The following RAD51B variants were observed in gnomAD, a reference collection of about 807,000 sequenced individuals.
The protein encoded by RAD51B is DNA repair protein RAD51 homolog 2.
A neutral mutation model predicts 42.2 loss-of-function variants in RAD51B; 38 were observed. The observed-to-expected ratio is 0.90, with a 90% CI of 0.70 to 1.18. The LOEUF (loss-of-function observed/expected upper bound fraction) is 1.18, where lower values mean the gene tolerates loss of function less well. RAD51B is among the 50% of genes most tolerant of loss of function. The probability of loss-of-function intolerance (pLI) is 0.00; values close to 1 mark genes in which losing one functional copy is unlikely to be tolerated. For synonymous variants in RAD51B, 154 were observed against 145.2 expected (o/e 1.06, Z -0.43); for missense variants, 373 against 400.7 (o/e 0.93, Z 0.59).
In RAD51B at chr14:68,344,779, C is replaced by T. The variant is rs113870392; in HGVS notation, c.853+52799C>T. 9.3e-3 allele frequency among the ~76,000 whole-genome samples: 1,415 copies of T among 151,594 alleles called. 21 individuals carry two copies. Among genetic ancestry groups the T allele is most frequent in the African/African-American group, 0.033 (1,346 of 41,304 alleles). On this transcript the variant is annotated intron_variant, in intron 8 of 10. Coordinates refer to ENST00000471583, the MANE Select transcript of RAD51B (RefSeq NM_133510.4). ...TGGCCAACATGATGAAACCCAGTCTCTACTAAAAATACAAAAAACTAGCCA... is the reference window on the plus strand; with the variant it reads ...TGGCCAACATGATGAAACCCAGTCTTTACTAAAAATACAAAAAACTAGCCA...
chr14:67,857,661 A>G (rs2042039156), intron 4 of RAD51B, among the ~76,000 whole-genome samples: 1 of 152,332 alleles, frequency 6.6e-6, no homozygotes, highest in South Asian at 2.1e-4. Flanking sequence ...TGGCACATGG[A>G]TAGTATGTAT....
intron 9 of RAD51B, chr14:68,421,907 G>A: frequency 6.3e-7 from 1 of 1,580,338 alleles, no homozygotes; most frequent in Non-Finnish European, 8.7e-7. Flanking sequence ...TGGACAAGAT[G>A]CCAGGACCTG....
intron 7 of RAD51B, among the ~76,000 whole-genome samples, chr14:68,264,963 A>G (rs1488275906): frequency 6.6e-6 from 1 of 152,208 alleles, no homozygotes; most frequent in East Asian, 1.9e-4. Context: ...AATACTTCCC[A>G]CAGGGTTTAA....
chr14:68,090,046 T>C (rs1331420734), intron 7 of RAD51B, among the ~76,000 whole-genome samples: 1 of 152,196 alleles, frequency 6.6e-6, no homozygotes, highest in Non-Finnish European at 1.5e-5. Flanking sequence ...AGTTATTTTT[T>C]CTGGTTTTCC....
chr14:68,456,869 A>ATTTTTTTTTTTTTTTTTTT (rs71129889), intron 9 of RAD51B, among the ~76,000 whole-genome samples: 3 of 66,460 alleles, frequency 4.5e-5, no homozygotes, highest in Non-Finnish European at 9.1e-5. Flanking sequence ...CAATGGAATG[A>ATTTTTTTTTTTTTTTTTTT]TTTTTTTTTT....
chr14:68,592,832 T>G (rs1890816629), intron 10 of RAD51B, among the ~76,000 whole-genome samples: 1 of 152,250 alleles, frequency 6.6e-6, no homozygotes, highest in Non-Finnish European at 1.5e-5. Context: ...CTCCTATGTG[T>G]GTGCAGGGCA....
At chr14:68,412,953 G>A (rs761844063) in intron 9 of RAD51B, among the ~76,000 whole-genome samples, 2 of 152,060 alleles carry the variant, frequency 1.3e-5, no homozygotes, top group Non-Finnish European at 2.9e-5. Context: ...TGAGTCATTC[G>A]TTTTCATGGA....
chr14:68,544,226 G>A (rs544038519), intron 10 of RAD51B, among the ~76,000 whole-genome samples: 1 of 152,272 alleles, frequency 6.6e-6, no homozygotes, highest in South Asian at 2.1e-4. Context: ...CAGTGTTGAA[G>A]ACCTCACTGT....
At chr14:68,228,112 A>G (rs1009110774) in intron 7 of RAD51B, among the ~76,000 whole-genome samples, 1 of 152,148 alleles carries the variant, frequency 6.6e-6, no homozygotes, top group Non-Finnish European at 1.5e-5. Flanking sequence ...CCAAGATTAC[A>G]AGCTAGTAAG....
intron 7 of RAD51B, among the ~76,000 whole-genome samples, chr14:68,056,395 C>T (rs1329610688): frequency 2.6e-5 from 4 of 151,966 alleles, no homozygotes; most frequent in East Asian, 2.0e-4. Flanking sequence ...GTGATCCACC[C>T]GCCTCGGCCT....
At chr14:68,514,806 C>T (rs1594932433) in intron 10 of RAD51B, among the ~76,000 whole-genome samples, 1 of 152,298 alleles carries the variant, frequency 6.6e-6, no homozygotes, top group East Asian at 1.9e-4. Flanking sequence ...TTTCAACTCC[C>T]AAATTACCTG....
chr14:68,619,272 A>G (rs934984903), intron 10 of RAD51B, among the ~76,000 whole-genome samples: 10 of 152,164 alleles, frequency 6.6e-5, no homozygotes, highest in Non-Finnish European at 1.3e-4. Flanking sequence ...CCAGAGATCG[A>G]GACCATCCTC....
intron 7 of RAD51B, among the ~76,000 whole-genome samples, chr14:68,002,161 C>T (rs1396137181): frequency 1.3e-5 from 2 of 152,142 alleles, no homozygotes. Flanking sequence ...ACACTCCCAC[C>T]AACAGTGTAA....
At chr14:68,371,442 C>T (rs570920191) in intron 8 of RAD51B, among the ~76,000 whole-genome samples, 2 of 151,902 alleles carry the variant, frequency 1.3e-5, no homozygotes, top group Admixed American at 6.6e-5. Flanking sequence ...TGCTTGAACG[C>T]GGGAGGCGGA....
intron 10 of RAD51B, among the ~76,000 whole-genome samples, chr14:68,647,541 T>A (rs184510247): frequency 5.3e-5 from 8 of 152,356 alleles, no homozygotes. Flanking sequence ...TCATTCTTTA[T>A]GAGTTTTGCA....
At chr14:68,227,747 A>G (rs1037354671) in intron 7 of RAD51B, among the ~76,000 whole-genome samples, 5 of 152,154 alleles carry the variant, frequency 3.3e-5, no homozygotes, top group African/African-American at 1.2e-4. Flanking sequence ...TTCAGATTCT[A>G]TAGTCTGACC....
At chr14:68,469,296 C>T (rs1566901977) in intron 10 of RAD51B, among the ~76,000 whole-genome samples, 1 of 152,238 alleles carries the variant, frequency 6.6e-6, no homozygotes, top group Non-Finnish European at 1.5e-5. Context: ...AGGGAATATG[C>T]AGGGCAGGCT....
intron 7 of RAD51B, among the ~76,000 whole-genome samples, chr14:68,051,574 C>A (rs1371751941): frequency 6.6e-6 from 1 of 151,688 alleles, no homozygotes; most frequent in Non-Finnish European, 1.5e-5. Context: ...TTGCACTTTG[C>A]TAATAATAGA....
chr14:67,876,596 A>G (rs1406922215), intron 5 of RAD51B, among the ~76,000 whole-genome samples: 1 of 152,238 alleles, frequency 6.6e-6, no homozygotes, highest in Non-Finnish European at 1.5e-5. Flanking sequence ...TTTGATGGCA[A>G]AAGAAAAACT....
Sources: gnomAD v4.1 joint callset for allele counts (sites outside exome capture counted in the v4.1 genomes callset) on GRCh38, gnomAD v4.1.1 for gene constraint, MANE v1.5 for transcripts, NCBI Gene and HGNC (gene_info 2026-07-23, HGNC 2026-07-21) for gene names.